Variants in PDE4D observed in about 807,000 individuals in gnomAD.
The protein encoded by PDE4D is 3',5'-cyclic-AMP phosphodiesterase 4D.
A neutral mutation model predicts 87.4 loss-of-function variants in PDE4D; 24 were observed. That is an observed-to-expected ratio of 0.27 (90% confidence interval 0.20 to 0.39). The LOEUF (loss-of-function observed/expected upper bound fraction) is 0.39, where lower values mean the gene tolerates loss of function less well. PDE4D is among the 10% of genes least tolerant of loss of function. The probability of loss-of-function intolerance (pLI) is 1.00; values close to 1 mark genes in which losing one functional copy is unlikely to be tolerated. For synonymous variants in PDE4D, 384 were observed against 383.2 expected, an observed-to-expected ratio of 1.00 and a Z score of -0.02; for missense variants, 714 against 1,041.0, an observed-to-expected ratio of 0.69 and a Z score of 4.32.
chr5:60,244,482 A>G (rs149875108), intron 1 of PDE4D, among the ~76,000 whole-genome samples: 135 of 152,068 alleles, frequency 8.9e-4, no homozygotes, highest in African/African-American at 3.2e-3. Context: ...AAATGCCCAG[A>G]ATAGCCAAAT....
At chr5:59,922,468 G>C (rs1371002030) in intron 3 of PDE4D, among the ~76,000 whole-genome samples, 1 of 152,140 alleles carries the variant, frequency 6.6e-6, no homozygotes, top group Non-Finnish European at 1.5e-5. Flanking sequence ...AAGGAGAGGA[G>C]AGGGAAGAGT....
chr5:59,279,523 A>T (rs900863422), intron 1 of PDE4D, among the ~76,000 whole-genome samples: 2 of 152,036 alleles, frequency 1.3e-5, no homozygotes, highest in African/African-American at 4.8e-5. Context: ...AGAAGTCCGG[A>T]GTATTATATT....
At chr5:60,439,384 C>T (rs1657534941) in intron 1 of PDE4D, among the ~76,000 whole-genome samples, 3 of 151,978 alleles carry the variant, frequency 2.0e-5, no homozygotes. Context: ...TATATCTTCT[C>T]CATGAAGCTA....
At chr5:59,739,161 T>C (rs1263451717) in intron 1 of PDE4D, among the ~76,000 whole-genome samples, 2 of 152,198 alleles carry the variant, frequency 1.3e-5, no homozygotes, top group Non-Finnish European at 2.9e-5. Context: ...GGCTCACACC[T>C]GTAATCCCAG....
At chr5:59,166,326 G>T (rs1268670866) in intron 5 of PDE4D, 3 of 152,156 alleles carry the variant, frequency 2.0e-5, no homozygotes, top group Non-Finnish European at 4.4e-5. Context: ...TGGAAATGAT[G>T]AAGGTTCTTG....
At chr5:58,993,266 T>C (rs1748349418) in intron 7 of PDE4D, 106 bp downstream of exon 7, 1 of 587,184 alleles carries the variant, frequency 1.7e-6, no homozygotes, top group Admixed American at 3.5e-5. Context: ...ATAGAACTTC[T>C]AACACTTGTT....
intron 1 of PDE4D, among the ~76,000 whole-genome samples, chr5:59,883,533 C>A (rs1178410348): frequency 6.6e-6 from 1 of 152,110 alleles, no homozygotes; most frequent in Non-Finnish European, 1.5e-5. Context: ...GAATCAGTCA[C>A]AGTTATAAGA....
rs974766 is a variant in PDE4D, at chr5:59,203,327, A to T, written c.648-9791T>A. Among the ~76,000 whole-genome samples the T allele has an allele frequency of 8.1e-3, 1,240 of 152,188 alleles. 14 individuals carry two copies. The highest frequency in any genetic ancestry group is 0.028 in the African/African-American group (1,151 of 41,490). On this transcript the variant is annotated intron_variant, in intron 2 of 14. Transcript: ENST00000340635. ...CCTATAATAGTTTTTTTTTAATCAA[A>T]AAAAGGTAACAAATGTTGGTGAAGA...
rs34236719 is a variant in PDE4D at position 60,143,603 on chromosome 5, T to TTGTGTGTGTG, written c.42+41944_42+41953dup. Among the ~76,000 whole-genome samples, 482 of 117,752 alleles carry TTGTGTGTGTG rather than the reference T, an allele frequency of 4.1e-3. 8 individuals carry two copies. The highest frequency in any genetic ancestry group is 0.015 in the African/African-American group (441 of 30,156). 77.2% of individuals were successfully genotyped at this position (117,752 alleles called of 152,430 possible). A position where few individuals can be genotyped will look rare whatever the true frequency, so the allele number is the denominator to read the frequency against. ...AAATGACCTAGGAGCAGCTTGGGAA[T>TTGTGTGTGTG]TGTGTGTGTGTGTGTGTGTGTGTGT... On this transcript the variant is annotated intron_variant, in intron 2 of 16. Coordinates refer to the PDE4D transcript ENST00000502484.
chr5:60,376,363 G>A (rs1761437241), intron 1 of PDE4D, among the ~76,000 whole-genome samples: 1 of 152,226 alleles, frequency 6.6e-6, no homozygotes, highest in African/African-American at 2.4e-5. Flanking sequence ...CAGCTATTGA[G>A]TGACACAGGT....
intron 3 of PDE4D, among the ~76,000 whole-genome samples, chr5:59,903,602 T>C (rs1035317765): frequency 5.9e-5 from 9 of 152,176 alleles, no homozygotes; most frequent in Admixed American, 4.6e-4. Context: ...TGACAACTAC[T>C]ACTTATTGGG....
intron 6 of PDE4D, among the ~76,000 whole-genome samples, chr5:59,011,948 C>T (rs1462036913): frequency 1.3e-5 from 2 of 152,208 alleles, no homozygotes; most frequent in African/African-American, 4.8e-5. Context: ...AGACTTACAG[C>T]TGATCTCTCA....
At chr5:59,850,039 A>G (rs532017482) in intron 1 of PDE4D, among the ~76,000 whole-genome samples, 1 of 152,156 alleles carries the variant, frequency 6.6e-6, no homozygotes, top group East Asian at 1.9e-4. Flanking sequence ...TCCATACTAG[A>G]GATTTGCATT....
intron 1 of PDE4D, among the ~76,000 whole-genome samples, chr5:59,502,718 T>TAG (rs1582889627): frequency 1.3e-5 from 2 of 149,448 alleles, no homozygotes; most frequent in East Asian, 2.0e-4. Flanking sequence ...GTGTAGTTTG[T>TAG]TTTATCTCTT....
At chr5:60,347,654 G>A (rs1214488828) in intron 1 of PDE4D, among the ~76,000 whole-genome samples, 1 of 152,030 alleles carries the variant, frequency 6.6e-6, no homozygotes, top group African/African-American at 2.4e-5. Flanking sequence ...GACATGCCCA[G>A]ACACCAAAAT....
At chr5:60,104,395 G>T in intron 2 of PDE4D, among the ~76,000 whole-genome samples, 1 of 152,228 alleles carries the variant, frequency 6.6e-6, no homozygotes, top group Non-Finnish European at 1.5e-5. Flanking sequence ...AGCTCAAGGA[G>T]GCCTGCCTGC....
In PDE4D at chr5:58,975,861, T is replaced by C; in HGVS notation, c.1831-22A>G. 7.1e-7 allele frequency: 1 copy of C among 1,408,650 alleles called. No individual in the cohort carries two copies. Among genetic ancestry groups the C allele is most frequent in the Non-Finnish European group, 9.4e-7 (1 of 1,069,232 alleles). The allele number at this position is 1,408,650 out of a possible 1,614,324, so 87.3% of individuals were successfully genotyped here. A position where few individuals can be genotyped will look rare whatever the true frequency, so the allele number is the denominator to read the frequency against. On this transcript the variant is annotated intron_variant, in intron 13 of 14. Transcript: ENST00000340635. This position sits in a 1 kb window ranked among gnomAD's most constrained non-coding sequence, Gnocchi z 4.2. ...GAACCTAAAATAGATGGATGCATTC[T>C]CTATTCACTCCTGTTCCTTTTTTTT...
At chr5:59,438,509 T>A (rs1269280515) in intron 1 of PDE4D, among the ~76,000 whole-genome samples, 3 of 152,238 alleles carry the variant, frequency 2.0e-5, no homozygotes. Flanking sequence ...ATTTTACGTT[T>A]GTCGAGTTTT....
intron 1 of PDE4D, among the ~76,000 whole-genome samples, chr5:59,696,859 A>G (rs1751855301): frequency 6.6e-6 from 1 of 152,204 alleles, no homozygotes; most frequent in Admixed American, 6.5e-5. Flanking sequence ...GTCACAACAG[A>G]AAGTATCTGT....
Sources: gnomAD v4.1 joint callset for allele counts (sites outside exome capture counted in the v4.1 genomes callset) on GRCh38, gnomAD v4.1.1 for gene constraint, Gnocchi (gnomAD v3.1) non-coding constraint, MANE v1.5 for transcripts, NCBI Gene and HGNC (gene_info 2026-07-23, HGNC 2026-07-21) for gene names.